SMIM13: variants seen among roughly 807,000 people sequenced by gnomAD.
The protein encoded by SMIM13 is UPF0766 protein C6orf228.
Under a neutral mutation model 5.9 loss-of-function variants are expected in SMIM13, and 3 were observed. The ratio of observed to expected loss-of-function variants is 0.51; its 90% CI spans 0.23 to 1.31. The LOEUF is 1.31. Ranked by LOEUF, SMIM13 falls within the 40% of genes most tolerant of loss-of-function variation. The probability of loss-of-function intolerance (pLI) is 0.18; values close to 1 mark genes in which losing one functional copy is unlikely to be tolerated. For missense variants in SMIM13, 85 were observed against 109.9 expected, an observed-to-expected ratio of 0.77 and a Z score of 1.01; for synonymous variants, 55 against 46.0, an observed-to-expected ratio of 1.19 and a Z score of -0.79.
At chr6:11,103,693 C>A (rs759847773) in intron 1 of SMIM13, 2 of 1,548,622 alleles carry the variant, frequency 1.3e-6, no homozygotes, top group South Asian at 2.4e-5. Context: ...AGGGGTCCTC[C>A]TTAGAAGGGT....
chr6:11,111,699 A>G (rs1758170675), intron 1 of SMIM13: 1 of 152,262 alleles, frequency 6.6e-6, no homozygotes, highest in African/African-American at 2.4e-5. Flanking sequence ...TATCCGAGTC[A>G]CTGCACCATT....
chr6:11,104,613 G>A (rs1376713340), intron 1 of SMIM13: 11 of 1,614,078 alleles, frequency 6.8e-6, no homozygotes, highest in Non-Finnish European at 9.3e-6. Context: ...AGAATTTCGA[G>A]TTTGGTCCAA....
chr6:11,137,664 A>G lies in SMIM13; in HGVS notation c.*3062A>G, dbSNP rs924074151. On this transcript the variant is annotated 3_prime_UTR_variant, in exon 2 of 2. Transcript: ENST00000416247. ...CTTCCCAACCAGCCATTCATTTCCA[A>G]TTGTTCTGCCTTTGAAACTTTTTGT... 1 of 152,072 alleles carries G rather than the reference A, an allele frequency of 6.6e-6. No individual in the cohort carries two copies. The highest frequency in any genetic ancestry group is 2.4e-5 in the African/African-American group (1 of 41,414). 9.4% of individuals were successfully genotyped at this position (152,072 alleles called of 1,614,324 possible).
At chr6:11,122,015 C>G (rs916361339) in intron 1 of SMIM13, among the ~76,000 whole-genome samples, 3 of 152,202 alleles carry the variant, frequency 2.0e-5, no homozygotes, top group African/African-American at 7.2e-5. Context: ...TTCTGTCTAT[C>G]CCCCATGGGC....
intron 1 of SMIM13, chr6:11,105,134 T>C: frequency 6.2e-7 from 1 of 1,614,236 alleles, no homozygotes; most frequent in Non-Finnish European, 8.5e-7. Context: ...TGGGCGAGGC[T>C]GGATAAGCTG....
At chr6:11,125,243 C>T (rs906882565) in intron 1 of SMIM13, among the ~76,000 whole-genome samples, 9 of 137,230 alleles carry the variant, frequency 6.6e-5, no homozygotes, top group African/African-American at 1.7e-4. Flanking sequence ...TGCAGTGAGT[C>T]GAGATTGCGC....
intron 1 of SMIM13, chr6:11,102,901 A>C (rs1758016420): frequency 6.6e-6 from 1 of 152,226 alleles, no homozygotes; most frequent in Non-Finnish European, 1.5e-5. Context: ...AGCAAGAACA[A>C]AAGGAAGCAA....
chr6:11,107,543 G>A (rs1758104912), intron 1 of SMIM13, among the ~76,000 whole-genome samples: 1 of 152,226 alleles, frequency 6.6e-6, no homozygotes, highest in Non-Finnish European at 1.5e-5. Context: ...CAGGTGAGCT[G>A]TTGACTCCTT....
At chr6:11,113,229 C>G (rs968040385) in intron 1 of SMIM13, among the ~76,000 whole-genome samples, 3 of 152,188 alleles carry the variant, frequency 2.0e-5, no homozygotes, top group Non-Finnish European at 4.4e-5. Flanking sequence ...GAGAAACTGC[C>G]AAACATTTGC....
intron 1 of SMIM13, among the ~76,000 whole-genome samples, chr6:11,125,491 G>T (rs1446589753): frequency 2.0e-5 from 3 of 152,114 alleles, no homozygotes; most frequent in African/African-American, 7.2e-5. Flanking sequence ...AGCTACTCGG[G>T]AGTCTGAGGC....
intron 1 of SMIM13, among the ~76,000 whole-genome samples, chr6:11,097,964 T>C (rs1040576995): frequency 4.6e-5 from 7 of 152,098 alleles, no homozygotes; most frequent in African/African-American, 1.4e-4. Context: ...CCACCCAATT[T>C]CTGAGATTTC....
chr6:11,096,271 A>G (rs558387045), intron 1 of SMIM13, among the ~76,000 whole-genome samples: 1 of 152,286 alleles, frequency 6.6e-6, no homozygotes, highest in South Asian at 2.1e-4. Context: ...GGAGCGAGCA[A>G]CCTAGATCCC....
At chr6:11,097,387 G>A (rs1757939217) in intron 1 of SMIM13, among the ~76,000 whole-genome samples, 1 of 152,036 alleles carries the variant, frequency 6.6e-6, no homozygotes, top group Admixed American at 6.6e-5. Flanking sequence ...CGGGCATGGC[G>A]GCCCATGCCT....
chr6:11,114,719 C>T (rs2113654664), intron 1 of SMIM13, among the ~76,000 whole-genome samples: 1 of 150,376 alleles, frequency 6.6e-6, no homozygotes, highest in East Asian at 2.0e-4. Context: ...GTGCCTCAGC[C>T]TCCTAAGTAG....
chr6:11,123,046 G>A (rs966630775), intron 1 of SMIM13, among the ~76,000 whole-genome samples: 1 of 152,088 alleles, frequency 6.6e-6, no homozygotes, highest in African/African-American at 2.4e-5. Context: ...TATCTCTACA[G>A]TAAATAAATA....
At chr6:11,117,544 A>G (rs1041372194) in intron 1 of SMIM13, among the ~76,000 whole-genome samples, 1 of 151,920 alleles carries the variant, frequency 6.6e-6, no homozygotes, top group Non-Finnish European at 1.5e-5. Context: ...GATATTTTCT[A>G]ATTTCACTTG....
intron 1 of SMIM13, among the ~76,000 whole-genome samples, chr6:11,117,652 C>T (rs908494061): frequency 6.6e-6 from 1 of 151,298 alleles, no homozygotes; most frequent in Non-Finnish European, 1.5e-5. Flanking sequence ...TCTAATTTGA[C>T]TTTTTTATGG....
At chr6:11,119,793 TATG>T (rs1381511969) in intron 1 of SMIM13, among the ~76,000 whole-genome samples, 3 of 152,304 alleles carry the variant, frequency 2.0e-5, no homozygotes, top group Admixed American at 2.0e-4. Context: ...TGAAATGTCT[TATG>T]ATTATTGGAT....
chr6:11,109,279 G>A (rs1173770448), intron 1 of SMIM13, among the ~76,000 whole-genome samples: 1 of 152,168 alleles, frequency 6.6e-6, no homozygotes, highest in Non-Finnish European at 1.5e-5. Flanking sequence ...AACTTCCCTA[G>A]TTCCATTTTA....
Sources: gnomAD v4.1 joint callset for allele counts (sites outside exome capture counted in the v4.1 genomes callset) on GRCh38, gnomAD v4.1.1 for gene constraint, MANE v1.5 for transcripts, NCBI Gene and HGNC (gene_info 2026-07-23, HGNC 2026-07-21) for gene names.